The following NPAS3 variants were observed in gnomAD, a reference collection of about 807,000 sequenced individuals.
NPAS3 encodes the protein neuronal PAS domain-containing protein 3.
NPAS3 carries 14 observed loss-of-function variants against 73.1 expected under a neutral mutation model. The ratio of observed to expected loss-of-function variants is 0.19; its 90% CI spans 0.13 to 0.30. NPAS3 has a LOEUF of 0.30. Among genes scored for constraint, NPAS3 ranks in the 10% least tolerant of loss-of-function variants. The pLI, the probability that NPAS3 is intolerant of heterozygous loss-of-function variation, is 1.00. For missense variants in NPAS3, 1,096 were observed against 1,250.0 expected (o/e 0.88, Z 1.86); for synonymous variants, 620 against 541.5 (o/e 1.14, Z -2.01).
chr14:33,790,952 G>T (rs1377539606), intron 9 of NPAS3, among the ~76,000 whole-genome samples: 1 of 152,186 alleles, frequency 6.6e-6, no homozygotes, highest in Admixed American at 6.5e-5. Flanking sequence ...TCTTTTACAA[G>T]ATCTGTTGCA....
intron 3 of NPAS3, among the ~76,000 whole-genome samples, chr14:33,302,051 A>G (rs1566776052): frequency 6.6e-6 from 1 of 152,166 alleles, no homozygotes; most frequent in Non-Finnish European, 1.5e-5. Context: ...TTTATTCACC[A>G]ATATATCTCA....
At chr14:33,034,136 T>G (rs2138365789) in intron 1 of NPAS3, among the ~76,000 whole-genome samples, 1 of 152,256 alleles carries the variant, frequency 6.6e-6, no homozygotes, top group Admixed American at 6.5e-5. Flanking sequence ...GGTTAATGGT[T>G]ATTTCTTATT....
intron 3 of NPAS3, among the ~76,000 whole-genome samples, chr14:33,362,260 G>A (rs1426346824): frequency 1.1e-4 from 17 of 151,990 alleles, no homozygotes; most frequent in Admixed American, 1.1e-3. Context: ...TTGTGAAAAC[G>A]GACCCCACAG....
At chr14:33,614,029 T>C (rs572393353) in intron 5 of NPAS3, among the ~76,000 whole-genome samples, 1 of 152,334 alleles carries the variant, frequency 6.6e-6, no homozygotes, top group African/African-American at 2.4e-5. Context: ...TGGGAAGTTT[T>C]CATGAGATCC....
In NPAS3 at chr14:33,211,371, A is replaced by C. The variant is rs142479447; in HGVS notation, c.141-3811A>C. 5.3e-3 allele frequency among the ~76,000 whole-genome samples: 810 copies of C among 152,312 alleles called. 9 individuals carry two copies. Among genetic ancestry groups the C allele is most frequent in the African/African-American group, 0.017 (698 of 41,570 alleles). ...CAAGGTGGGCGGATCACTTGAGGTC[A>C]GGAGTTAGAGACCAGCCTGGCCAAC... On this transcript the variant is annotated intron_variant, in intron 2 of 11. Transcript: ENST00000356141.
At chr14:33,218,700 A>G (rs1179546990) in intron 3 of NPAS3, among the ~76,000 whole-genome samples, 1 of 152,218 alleles carries the variant, frequency 6.6e-6, no homozygotes, top group East Asian at 1.9e-4. Flanking sequence ...ACATTTTTTA[A>G]TGTGATGAGT....
At chr14:33,437,105 G>GA (rs1178459229) in intron 4 of NPAS3, among the ~76,000 whole-genome samples, 6 of 152,190 alleles carry the variant, frequency 3.9e-5, no homozygotes, top group Non-Finnish European at 7.3e-5. Flanking sequence ...TGCAGTCCAT[G>GA]ACATGCACGA....
intron 1 of NPAS3, among the ~76,000 whole-genome samples, chr14:32,953,581 C>G (rs1370705293): frequency 1.3e-5 from 2 of 152,078 alleles, no homozygotes; most frequent in Non-Finnish European, 2.9e-5. Flanking sequence ...AGATCTATGT[C>G]AAGAATTGTG....
At chr14:33,468,457 G>C (rs2050630006) in intron 4 of NPAS3, among the ~76,000 whole-genome samples, 2 of 152,140 alleles carry the variant, frequency 1.3e-5, no homozygotes, top group Admixed American at 1.3e-4. Flanking sequence ...TAACTAATAA[G>C]AAATACATTT....
At chr14:33,227,247 A>G (rs1481722056) in intron 3 of NPAS3, among the ~76,000 whole-genome samples, 1 of 152,172 alleles carries the variant, frequency 6.6e-6, no homozygotes, top group Admixed American at 6.5e-5. Flanking sequence ...AAAATCTGTA[A>G]CAAGTTGTTC....
At chr14:33,801,151 A>AGGCATCGTC, downstream of NPAS3, 1 of 1,537,866 alleles carries the variant, frequency 6.5e-7, no homozygotes, top group South Asian at 1.2e-5. Flanking sequence ...CGCTTGGAGG[A>AGGCATCGTC]GGCATCGTCG....
chr14:33,796,211 A>G (rs2063508317), intron 10 of NPAS3, among the ~76,000 whole-genome samples: 1 of 152,190 alleles, frequency 6.6e-6, no homozygotes, highest in Non-Finnish European at 1.5e-5. Context: ...TCCTGCCCAG[A>G]ACCCTTGCAC....
At chr14:33,564,355 A>C (rs2055814698) in intron 5 of NPAS3, among the ~76,000 whole-genome samples, 1 of 152,202 alleles carries the variant, frequency 6.6e-6, no homozygotes, top group Non-Finnish European at 1.5e-5. Flanking sequence ...AGGATTTTGG[A>C]AGAGCTAACC....
intron 2 of NPAS3, among the ~76,000 whole-genome samples, chr14:33,079,902 C>T (rs1193713766): frequency 1.3e-5 from 2 of 152,018 alleles, no homozygotes; most frequent in Non-Finnish European, 1.5e-5. Context: ...CATGAGCTAT[C>T]GCGCCCAGTT....
chr14:32,950,212 A>G (rs772380303), intron 1 of NPAS3, among the ~76,000 whole-genome samples: 1 of 152,048 alleles, frequency 6.6e-6, no homozygotes, highest in Non-Finnish European at 1.5e-5. Context: ...GAGAATGATA[A>G]TACTGTAAAG....
chr14:33,451,759 A>C (rs1345118562), intron 4 of NPAS3, among the ~76,000 whole-genome samples: 1 of 152,134 alleles, frequency 6.6e-6, no homozygotes, highest in African/African-American at 2.4e-5. Flanking sequence ...GAAATTAAGG[A>C]GTAGAGAAAG....
At chr14:33,628,576 C>T (rs2058287118) in intron 5 of NPAS3, among the ~76,000 whole-genome samples, 4 of 152,204 alleles carry the variant, frequency 2.6e-5, no homozygotes, top group Admixed American at 2.6e-4. Flanking sequence ...CCATTAGTTG[C>T]ATATCATCTT....
intron 3 of NPAS3, among the ~76,000 whole-genome samples, chr14:33,346,322 G>C (rs2044730413): frequency 6.6e-6 from 1 of 151,528 alleles, no homozygotes; most frequent in Non-Finnish European, 1.5e-5. Context: ...TGAAGCTCAA[G>C]TTCCAGACCA....
chr14:33,671,165 C>G (rs985090237), intron 5 of NPAS3, among the ~76,000 whole-genome samples: 2 of 152,152 alleles, frequency 1.3e-5, no homozygotes, highest in Non-Finnish European at 2.9e-5. Flanking sequence ...GCACCAAACC[C>G]CTTCAATCAA....
Sources: allele counts gnomAD v4.1 joint callset (sites outside exome capture counted in the v4.1 genomes callset), GRCh38; gene constraint gnomAD v4.1.1; transcripts MANE v1.5; gene names NCBI Gene and HGNC (gene_info 2026-07-23, HGNC 2026-07-21).